The following CFAP61 variants were observed in gnomAD, a reference collection of about 807,000 sequenced individuals.
CFAP61 encodes the protein cilia- and flagella-associated protein 61.
Under a neutral mutation model 135.6 loss-of-function variants are expected in CFAP61, and 107 were observed. That is an observed-to-expected ratio of 0.79 (90% CI 0.67 to 0.93). CFAP61 has a LOEUF of 0.93. CFAP61 is among the 40% of genes least tolerant of loss of function. CFAP61 has a pLI of 0.00. For missense variants in CFAP61, 1,507 were observed against 1,556.2 expected (o/e 0.97, Z 0.53); for synonymous variants, 575 against 578.5 (o/e 0.99, Z 0.09).
intron 8 of CFAP61, among the ~76,000 whole-genome samples, chr20:20,117,045 G>C (rs762009135): frequency 6.6e-6 from 1 of 152,126 alleles, no homozygotes; most frequent in Non-Finnish European, 1.5e-5. Context: ...CTTTGTTATT[G>C]ATGCCTTCGT....
intron 8 of CFAP61, among the ~76,000 whole-genome samples, chr20:20,100,090 T>G (rs1295897295): frequency 1.3e-5 from 2 of 152,140 alleles, no homozygotes; most frequent in African/African-American, 4.8e-5. Context: ...TGAGGGAACT[T>G]ATCAGTGTGA....
At chr20:20,352,362 T>C in intron 26 of CFAP61, among the ~76,000 whole-genome samples, 1 of 152,214 alleles carries the variant, frequency 6.6e-6, no homozygotes, top group Middle Eastern at 3.2e-3. Flanking sequence ...GTTCTCAGCA[T>C]AGTTCGCCCC....
chr20:20,253,430 G>C (rs1185622919), intron 20 of CFAP61: 2 of 272,548 alleles, frequency 7.3e-6, no homozygotes, highest in African/African-American at 2.3e-5. Flanking sequence ...GTGGCAGGCA[G>C]AGCTCACACA....
chr20:20,227,111 A>G (rs2048792967), intron 17 of CFAP61, among the ~76,000 whole-genome samples: 1 of 151,866 alleles, frequency 6.6e-6, no homozygotes, highest in Non-Finnish European at 1.5e-5. Flanking sequence ...GGCAAAGCGC[A>G]TGGCCACACC....
At chr20:20,085,586 G>T (rs1358793255) in intron 6 of CFAP61, 1 of 1,223,872 alleles carries the variant, frequency 8.2e-7, no homozygotes, top group East Asian at 4.7e-5. Context: ...TCATGAGCAG[G>T]CCTAGGGCTC....
At chr20:20,296,023 CTTCTTTCT>C (rs1198703537) in intron 24 of CFAP61, among the ~76,000 whole-genome samples, 2 of 83,368 alleles carry the variant, frequency 2.4e-5, no homozygotes, top group Non-Finnish European at 5.2e-5. Flanking sequence ...CCTTTCCTTC[CTTCTTTCT>C]TTTCTTCCTC....
chr20:20,112,045 G>A (rs2048835440), intron 8 of CFAP61, among the ~76,000 whole-genome samples: 1 of 152,056 alleles, frequency 6.6e-6, no homozygotes, highest in Admixed American at 6.5e-5. Context: ...AAGTATTATA[G>A]CTTATTATAG....
chr20:20,074,141 C>G (rs991522100), intron 3 of CFAP61, among the ~76,000 whole-genome samples, 161 bp from the exon 4 acceptor site: 1 of 152,320 alleles, frequency 6.6e-6, no homozygotes, highest in Admixed American at 6.5e-5. Context: ...TGAGACAGCT[C>G]AAATGCCGCC....
At position 20,148,809 on chromosome 20, in the gene CFAP61, G is replaced by C. The variant is rs187535312; in HGVS notation, c.951+5861G>C. Among the ~76,000 whole-genome samples the C allele has an allele frequency of 3.3e-4, 50 of 152,180 alleles. No homozygotes were observed. In the East Asian group the frequency reaches 6.0e-3, roughly 18 times the overall value. On this transcript the variant is annotated intron_variant, in intron 9 of 26. Transcript: ENST00000245957. The stretch of plus-strand genomic sequence containing the variant: ...TTTCTTTCTCTTGTTTGATTTCTCT[G>C]GCTATGACTTCCAGCACTATGTTGA...
chr20:20,148,646 A>G (rs2052120664), intron 9 of CFAP61, among the ~76,000 whole-genome samples: 1 of 152,100 alleles, frequency 6.6e-6, no homozygotes, highest in African/African-American at 2.4e-5. Flanking sequence ...CTGAGACTTT[A>G]CTGAATTTGC....
intron 15 of CFAP61, among the ~76,000 whole-genome samples, chr20:20,194,512 T>G (rs1328623298): frequency 6.6e-6 from 1 of 152,246 alleles, no homozygotes; most frequent in East Asian, 1.9e-4. Context: ...TTGTCTTCTC[T>G]GCAGTAAGTT....
intron 25 of CFAP61, among the ~76,000 whole-genome samples, chr20:20,335,183 G>A (rs1461759227): frequency 6.6e-6 from 1 of 152,112 alleles, no homozygotes; most frequent in Non-Finnish European, 1.5e-5. Context: ...TATTCTGTGG[G>A]TTTTTTTCCC....
chr20:20,052,659 C>G, intron 1 of CFAP61, 68 bp downstream of exon 1: 1 of 1,613,378 alleles, frequency 6.2e-7, no homozygotes, highest in South Asian at 1.1e-5. Flanking sequence ...GGCGCATCCC[C>G]AGGTCAGCCT....
intron 25 of CFAP61, chr20:20,323,374 A>G: frequency 1.1e-6 from 1 of 927,914 alleles, no homozygotes; most frequent in South Asian, 5.0e-5. Context: ...AAAAGCAAGT[A>G]TGGAATTCAA....
At chr20:20,078,753 G>T (rs1334759059) in intron 6 of CFAP61, among the ~76,000 whole-genome samples, 2 of 152,052 alleles carry the variant, frequency 1.3e-5, no homozygotes, top group East Asian at 3.9e-4. Context: ...CTCATAAAGT[G>T]GCAAAAGATG....
At chr20:20,303,913 T>A (rs990282496) in intron 25 of CFAP61, among the ~76,000 whole-genome samples, 2 of 152,136 alleles carry the variant, frequency 1.3e-5, no homozygotes, top group East Asian at 1.9e-4. Flanking sequence ...TCCTCTCCAC[T>A]TCCCCCTATC....
intron 8 of CFAP61, among the ~76,000 whole-genome samples, chr20:20,125,579 G>T (rs892442869): frequency 1.3e-5 from 2 of 151,636 alleles, no homozygotes; most frequent in Admixed American, 6.6e-5. Context: ...TGGTCTGAGA[G>T]GCTGCTTGAT....
intron 18 of CFAP61, among the ~76,000 whole-genome samples, chr20:20,243,583 A>G (rs1805961208): frequency 1.3e-5 from 2 of 152,066 alleles, no homozygotes; most frequent in African/African-American, 2.4e-5. Context: ...GATTACAGGC[A>G]TGTGCCACCA....
chr20:20,337,292 A>AGATGGATGGATG (rs1190187686), intron 25 of CFAP61, among the ~76,000 whole-genome samples: 6 of 6,810 alleles, frequency 8.8e-4, no homozygotes, highest in African/African-American at 1.3e-3. Flanking sequence ...ATGGATGGAT[A>AGATGGATGGATG]GATGGATGGA....
Sources: gnomAD v4.1 joint callset for allele counts (sites outside exome capture counted in the v4.1 genomes callset) on GRCh38, gnomAD v4.1.1 for gene constraint, MANE v1.5 for transcripts, NCBI Gene and HGNC (gene_info 2026-07-23, HGNC 2026-07-21) for gene names.